EML6: variants seen among roughly 807,000 people sequenced by gnomAD.
The protein encoded by EML6 is echinoderm microtubule-associated protein-like 6.
A neutral mutation model predicts 240.1 loss-of-function variants in EML6; 154 were observed. That is an observed-to-expected ratio of 0.64 (90% confidence interval 0.56 to 0.73). The LOEUF (loss-of-function observed/expected upper bound fraction) is 0.73. EML6 is among the 30% of genes least tolerant of loss of function. The probability of loss-of-function intolerance (pLI) is 0.00; values close to 1 mark genes in which losing one functional copy is unlikely to be tolerated. For missense variants in EML6, 2,964 were observed against 2,474.6 expected, an observed-to-expected ratio of 1.20 and a Z score of -4.20; for synonymous variants, 1,148 against 899.0, an observed-to-expected ratio of 1.28 and a Z score of -4.95.
At position 54,737,942 on chromosome 2, in the gene EML6, C is replaced by T. The variant is rs541463739; in HGVS notation, c.197+12684C>T. On this transcript the variant is annotated intron_variant, in intron 2 of 41. Coordinates refer to ENST00000356458, the MANE Select transcript of EML6 (RefSeq NM_001039753.4). ...CTTGAATACCCAGGTGCTCTTCTGC[C>T]GCAGGGCCTTTGTACTCTTTTGCAC... 1.3e-3 allele frequency among the ~76,000 whole-genome samples: 201 copies of T among 152,250 alleles called. 1 individual carries two copies. Among genetic ancestry groups the T allele is most frequent in the Non-Finnish European group, 2.1e-3 (146 of 68,002 alleles).
intron 2 of EML6, among the ~76,000 whole-genome samples, chr2:54,788,589 G>A (rs757232994): frequency 2.2e-4 from 33 of 152,296 alleles, no homozygotes; most frequent in Admixed American, 3.9e-4. Flanking sequence ...CAAGTTAGAG[G>A]AAAATTGAAG....
Position 54,779,865 on chromosome 2 carries a change from GAAA to G in EML6, c.198-33353_198-33351del, listed in dbSNP as rs3036161. On this transcript the variant is annotated intron_variant, in intron 2 of 41. Coordinates refer to ENST00000356458, the MANE Select transcript of EML6 (RefSeq NM_001039753.4). ...TGACAGACCCAGTCTCAAAAAAAAA[GAAA>G]AAAAAAAAAAAAAGAATATAGTAAG... Among the ~76,000 whole-genome samples, 45 of 113,180 alleles carry G rather than the reference GAAA, an allele frequency of 4.0e-4. 1 individual carries two copies. The highest frequency in any genetic ancestry group is 1.3e-3 in the African/African-American group (44 of 33,176). The allele number at this position is 113,180 out of a possible 152,430, so 74.3% of individuals were successfully genotyped here.
At chr2:54,814,390 G>A (rs761509723) in intron 3 of EML6, among the ~76,000 whole-genome samples, 1 of 152,122 alleles carries the variant, frequency 6.6e-6, no homozygotes, top group Non-Finnish European at 1.5e-5. Context: ...CAGCAACACT[G>A]GGCAGAAAAG....
At chr2:54,933,305 A>G (rs182800148) in intron 28 of EML6, among the ~76,000 whole-genome samples, 72 of 152,328 alleles carry the variant, frequency 4.7e-4, no homozygotes, top group African/African-American at 1.3e-3. Flanking sequence ...ACCATAGACT[A>G]GCAATGTAAT....
In EML6 at chr2:54,970,379, C is replaced by A. The variant is rs1439259570; in HGVS notation, c.*284C>A. On this transcript the variant is annotated 3_prime_UTR_variant, in exon 42 of 42. Transcript: ENST00000356458. Reference sequence around the variant, plus strand: ...ATACTAACTACATTGACAAAGAAATCCTATCTGATAATGTAGCCCGCTGAC... The same window carrying A: ...ATACTAACTACATTGACAAAGAAATACTATCTGATAATGTAGCCCGCTGAC... 1.0e-5 allele frequency: 4 copies of A among 398,232 alleles called. No homozygotes were observed. Among genetic ancestry groups the A allele is most frequent in the Non-Finnish European group, 1.8e-5 (4 of 219,244 alleles). The allele number at this position is 398,232 out of a possible 1,614,324, so 24.7% of individuals were successfully genotyped here.
At chr2:54,836,275 C>T (rs1460410667) in intron 7 of EML6, among the ~76,000 whole-genome samples, 3 of 152,186 alleles carry the variant, frequency 2.0e-5, no homozygotes, top group Non-Finnish European at 2.9e-5. Flanking sequence ...AAAAGCTAGC[C>T]TGGGTGGGTT....
chr2:54,969,777 G>A (rs1462433990), intron 41 of EML6, among the ~76,000 whole-genome samples: 2 of 152,194 alleles, frequency 1.3e-5, no homozygotes, highest in Non-Finnish European at 2.9e-5. Flanking sequence ...CTTTTCAATA[G>A]TAACAGGAGA....
chr2:54,902,326 G>C (rs1673101169), intron 22 of EML6, among the ~76,000 whole-genome samples: 1 of 152,150 alleles, frequency 6.6e-6, no homozygotes. Flanking sequence ...ATAAATGAAT[G>C]AATAAACCTC....
Position 54,916,773 on chromosome 2 carries a change from G to C in EML6, c.3513G>C (p.Glu1171Asp), listed in dbSNP as rs1251066377. The C allele has an allele frequency of 5.3e-6, 8 of 1,521,026 alleles. No individual in the cohort carries two copies. The highest frequency in any genetic ancestry group is 6.2e-6 in the Non-Finnish European group (7 of 1,124,388). 94.2% of individuals were successfully genotyped at this position (1,521,026 alleles called of 1,614,324 possible). Residue 1171 changes from glutamate to aspartate, a missense_variant, in exon 26 of 42, where the codon GAG becomes GAC. Coordinates refer to ENST00000356458, the MANE Select transcript of EML6 (RefSeq NM_001039753.4). ...TTCTTTTTCAGATCGAGAAGATAGA[G>C]TGGGACACATGGACCTGTGTCCTGG... ...IIRPSEIEKI[E>D]WDTWTCVLGP...
chr2:54,810,187 A>T (rs927796428), intron 2 of EML6, among the ~76,000 whole-genome samples: 1 of 152,224 alleles, frequency 6.6e-6, no homozygotes, highest in African/African-American at 2.4e-5. Context: ...TTTAACAAAC[A>T]GTGTGAAGGA....
At chr2:54,827,816 C>A in intron 6 of EML6, 65 bp downstream of exon 6, 3 of 1,135,900 alleles carry the variant, frequency 2.6e-6, no homozygotes, top group Non-Finnish European at 2.6e-6. Flanking sequence ...CGAATCCCTC[C>A]CTGTATGTTT....
At chr2:54,738,412 T>C (rs1157954113) in intron 2 of EML6, among the ~76,000 whole-genome samples, 1 of 152,194 alleles carries the variant, frequency 6.6e-6, no homozygotes, top group East Asian at 1.9e-4. Context: ...TTTGTTCTGT[T>C]TTACACTTTT....
At chr2:54,888,525 C>G (rs375720715) in intron 17 of EML6, among the ~76,000 whole-genome samples, 4 of 152,172 alleles carry the variant, frequency 2.6e-5, no homozygotes, top group African/African-American at 9.7e-5. Flanking sequence ...CATCCCTCCT[C>G]CCTCCTCTGT....
intron 28 of EML6, among the ~76,000 whole-genome samples, chr2:54,941,862 C>T (rs79097796): frequency 0.013 from 1,915 of 152,320 alleles, 41 homozygotes; most frequent in African/African-American, 0.041. Context: ...GAGTTCTGCC[C>T]GCATAGCTGC....
Position 54,888,603 on chromosome 2 carries a change from T to C in EML6, c.2439-2451T>C, listed in dbSNP as rs116592933. Among the ~76,000 whole-genome samples the C allele has an allele frequency of 2.4e-3, 358 of 152,336 alleles. 1 individual carries two copies. Among genetic ancestry groups the C allele is most frequent in the African/African-American group, 8.1e-3 (336 of 41,584 alleles). On this transcript the variant is annotated intron_variant, in intron 17 of 41. Transcript: ENST00000356458. ...TTACCTTTTCCAGAATGTCATATAA[T>C]TGGAACTATATAGTATGTAGTCTTT...
intron 2 of EML6, among the ~76,000 whole-genome samples, chr2:54,793,794 C>T (rs1669603186): frequency 6.6e-6 from 1 of 152,098 alleles, no homozygotes; most frequent in African/African-American, 2.4e-5. Flanking sequence ...AGAACTTCCC[C>T]AACTCCCACC....
intron 3 of EML6, among the ~76,000 whole-genome samples, chr2:54,813,795 C>G (rs1202354701): frequency 6.6e-6 from 1 of 152,208 alleles, no homozygotes; most frequent in East Asian, 1.9e-4. Flanking sequence ...ATGACATCAC[C>G]TCCTAATAAT....
intron 35 of EML6, among the ~76,000 whole-genome samples, chr2:54,961,400 G>A (rs1486915951): frequency 2.6e-5 from 4 of 151,274 alleles, no homozygotes; most frequent in Non-Finnish European, 4.4e-5. Context: ...TGGCCAGGCT[G>A]TTCTCAAAAC....
At chr2:54,734,296 C>G (rs550680075) in intron 2 of EML6, among the ~76,000 whole-genome samples, 2 of 152,338 alleles carry the variant, frequency 1.3e-5, no homozygotes, top group East Asian at 3.9e-4. Flanking sequence ...TGAGATCGCA[C>G]CACTGCACTC....
Sources: allele counts gnomAD v4.1 joint callset (sites outside exome capture counted in the v4.1 genomes callset), GRCh38; gene constraint gnomAD v4.1.1; transcripts MANE v1.5; gene names NCBI Gene and HGNC (gene_info 2026-07-23, HGNC 2026-07-21).